Variants in ACACA observed in about 807,000 individuals in gnomAD.
ACACA encodes acetyl-CoA carboxylase alpha, also known as acetyl-CoA carboxylase 1.
A neutral mutation model predicts 296.1 loss-of-function variants in ACACA; 103 were observed. The ratio of observed to expected loss-of-function variants is 0.35; its 90% CI spans 0.30 to 0.41. ACACA has a LOEUF of 0.41. Among genes scored for constraint, ACACA ranks in the 10% least tolerant of loss-of-function variants. The probability of loss-of-function intolerance (pLI) is 1.00; values close to 1 mark genes in which losing one functional copy is unlikely to be tolerated. For synonymous variants in ACACA, 953 were observed against 1,038.6 expected, an observed-to-expected ratio of 0.92 and a Z score of 1.58; for missense variants, 1,554 against 2,989.7, an observed-to-expected ratio of 0.52 and a Z score of 11.20.
chr17:37,127,729 A>T (rs2074860625), intron 47 of ACACA, among the ~76,000 whole-genome samples: 1 of 151,944 alleles, frequency 6.6e-6, no homozygotes, highest in African/African-American at 2.4e-5. Flanking sequence ...CTTTAGTCCC[A>T]GCTGCTTAGG....
intron 41 of ACACA, among the ~76,000 whole-genome samples, chr17:37,167,697 A>G (rs1488139495): frequency 1.0e-5 from 1 of 100,112 alleles, no homozygotes; most frequent in African/African-American, 5.4e-5. Flanking sequence ...AAAAACTGGC[A>G]AAAAAAAAAA....
intron 52 of ACACA, among the ~76,000 whole-genome samples, chr17:37,104,031 C>A (rs2073523914): frequency 6.6e-6 from 1 of 152,106 alleles, no homozygotes; most frequent in African/African-American, 2.4e-5. Flanking sequence ...TCAGGAGTGT[C>A]CAATCTTTTG....
chr17:37,161,064 T>G (rs1016112653), intron 42 of ACACA, among the ~76,000 whole-genome samples: 5 of 152,166 alleles, frequency 3.3e-5, no homozygotes, highest in African/African-American at 9.7e-5. Context: ...TCTATGTGGA[T>G]ATAGCAATCA....
chr17:37,404,250 A>G (rs1423663396), intron 1 of ACACA, among the ~76,000 whole-genome samples: 2 of 152,242 alleles, frequency 1.3e-5, no homozygotes, highest in East Asian at 3.8e-4. Flanking sequence ...GATATGTCCT[A>G]AATGACTGAC....
chr17:37,297,057 A>G (rs2083374274), intron 3 of ACACA, among the ~76,000 whole-genome samples: 1 of 152,014 alleles, frequency 6.6e-6, no homozygotes, highest in South Asian at 2.1e-4. Flanking sequence ...CAGACACTAT[A>G]TATCAATATA....
chr17:37,390,247 T>TATATATTATATATAATTATATATA (rs1391766786), intron 1 of ACACA, among the ~76,000 whole-genome samples: 35 of 36,222 alleles, frequency 9.7e-4, no homozygotes, highest in African/African-American at 5.9e-3. Flanking sequence ...ATATATTATA[T>TATATATTATATATAATTATATATA]ATATATTATA....
chr17:37,216,054 AT>A (rs1177268098), intron 29 of ACACA, among the ~76,000 whole-genome samples: 26 of 149,210 alleles, frequency 1.7e-4, no homozygotes, highest in Admixed American at 5.3e-4. Context: ...AAAATGACAC[AT>A]TAAAAAAAAA....
At chr17:37,389,349 C>T in intron 1 of ACACA, 1 of 1,586,388 alleles carries the variant, frequency 6.3e-7, no homozygotes, top group Non-Finnish European at 8.6e-7. Context: ...AAGCCTGACT[C>T]TCAGCCCCAG....
intron 3 of ACACA, among the ~76,000 whole-genome samples, chr17:37,294,006 C>T (rs991197188): frequency 5.9e-5 from 9 of 151,764 alleles, no homozygotes; most frequent in African/African-American, 1.9e-4. Context: ...TAATAGCCAG[C>T]GAACATAAGG....
chr17:37,270,682 G>T, intron 10 of ACACA, 69 bp downstream of exon 10: 2 of 1,184,038 alleles, frequency 1.7e-6, no homozygotes, highest in South Asian at 1.3e-5. Flanking sequence ...CCAAATTATA[G>T]TATGAGTTAA....
rs1184757808 is a variant in ACACA at position 37,358,878 on chromosome 17, G to C, written c.39-19028C>G. The C allele has an allele frequency of 7.6e-6, 7 of 917,234 alleles. No homozygotes were observed. In the East Asian group the frequency reaches 8.3e-4, roughly 108 times the overall value. 56.8% of individuals were successfully genotyped at this position (917,234 alleles called of 1,614,324 possible). ...CCGCACCCGATCTGGATAGTGTGGA[G>C]CCCAGGCCGCGTGCGGGTGAGCGGA... On this transcript the variant is annotated intron_variant, in intron 1 of 55. Coordinates refer to ENST00000616317, the MANE Select transcript of ACACA (RefSeq NM_198834.3).
intron 55 of ACACA, 114 bp downstream of exon 55, chr17:37,088,824 A>G (rs2142463975): frequency 1.4e-6 from 2 of 1,380,408 alleles, no homozygotes; most frequent in East Asian, 4.6e-5. Flanking sequence ...TCAAACAGCA[A>G]GAGACTGCAG....
Position 37,162,054 on chromosome 17 carries a change from G to A in ACACA, c.5080-4C>T, listed in dbSNP as rs1471502916. On this transcript the variant is annotated splice_region_variant and splice_polypyrimidine_tract_variant and intron_variant, in intron 41 of 55. Transcript: ENST00000616317. Reference sequence around the variant, plus strand: ...TTTTCCAAGCTACCATGCCAATCTGGAAAGGCATAAACAAACAAATGAACA... The same window carrying A: ...TTTTCCAAGCTACCATGCCAATCTGAAAAGGCATAAACAAACAAATGAACA... 6.2e-7 allele frequency: 1 copy of A among 1,614,128 alleles called. No individual in the cohort carries two copies. The highest frequency in any genetic ancestry group is 2.2e-5 in the East Asian group (1 of 44,878).
chr17:37,109,093 G>GGTTC (rs1466251046), intron 52 of ACACA, among the ~76,000 whole-genome samples: 1 of 152,160 alleles, frequency 6.6e-6, no homozygotes, highest in Non-Finnish European at 1.5e-5. Flanking sequence ...TTGGTAGTTT[G>GGTTC]GTTCTAGGCA....
chr17:37,264,718 T>C (rs1383483441), intron 10 of ACACA, among the ~76,000 whole-genome samples: 1 of 152,250 alleles, frequency 6.6e-6, no homozygotes, highest in Non-Finnish European at 1.5e-5. Flanking sequence ...TCTCTTTCTC[T>C]TCTCCTCTGA....
intron 45 of ACACA, among the ~76,000 whole-genome samples, chr17:37,147,138 G>T (rs1040556983): frequency 7.9e-5 from 12 of 152,000 alleles, no homozygotes; most frequent in South Asian, 2.1e-4. Flanking sequence ...CAAAAATGTG[G>T]GGGTCAAATA....
At chr17:37,245,017 C>G in intron 20 of ACACA, 63 bp downstream of exon 20, 1 of 1,610,642 alleles carries the variant, frequency 6.2e-7, no homozygotes, top group Non-Finnish European at 8.5e-7. Context: ...AATCACTTGC[C>G]TCTCCAAACC....
chr17:37,340,803 GC>G (rs1198900513), intron 1 of ACACA, among the ~76,000 whole-genome samples: 4 of 152,166 alleles, frequency 2.6e-5, no homozygotes, highest in Admixed American at 6.6e-5. Flanking sequence ...GACCAATCAA[GC>G]TCAAACTCTG....
At chr17:37,177,959 G>A (rs1277854926) in intron 41 of ACACA, among the ~76,000 whole-genome samples, 2 of 152,124 alleles carry the variant, frequency 1.3e-5, no homozygotes, top group Non-Finnish European at 2.9e-5. Context: ...TGTATATATA[G>A]TGAAATTTTT....
Sources: allele counts gnomAD v4.1 joint callset (sites outside exome capture counted in the v4.1 genomes callset), GRCh38; gene constraint gnomAD v4.1.1; transcripts MANE v1.5; gene names NCBI Gene and HGNC (gene_info 2026-07-23, HGNC 2026-07-21).